Variants in DAAM1 observed in about 807,000 individuals in gnomAD.
DAAM1 encodes dishevelled associated activator of morphogenesis 1.
Under a neutral mutation model 130.0 loss-of-function variants are expected in DAAM1, and 52 were observed. The observed-to-expected ratio is 0.40, with a 90% CI of 0.32 to 0.50. The LOEUF is 0.50. Ranked by LOEUF, DAAM1 falls within the 20% of genes least tolerant of loss-of-function variation. The probability of loss-of-function intolerance (pLI) is 0.61; values close to 1 mark genes in which losing one functional copy is unlikely to be tolerated. For synonymous variants in DAAM1, 452 were observed against 444.5 expected, an observed-to-expected ratio of 1.02 and a Z score of -0.21; for missense variants, 1,134 against 1,303.8, an observed-to-expected ratio of 0.87 and a Z score of 2.01.
chr14:59,259,063 C>T (rs1435051501), intron 1 of DAAM1, among the ~76,000 whole-genome samples: 4 of 152,168 alleles, frequency 2.6e-5, no homozygotes, highest in Non-Finnish European at 5.9e-5. Context: ...ACGTTACCCC[C>T]GACTTCTCGC....
At position 59,263,674 on chromosome 14, in the gene DAAM1, T is replaced by C; in HGVS notation, c.183+14T>C. The C allele has an allele frequency of 6.2e-7, 1 of 1,613,214 alleles. No individual in the cohort carries two copies. Among genetic ancestry groups the C allele is most frequent in the Non-Finnish European group, 8.5e-7 (1 of 1,179,718 alleles). ...AGTGAACTGGTGGTGAGTCCCAGTT[T>C]TCTATCCTGGCATTGGTGGGGAGCC... On this transcript the variant is annotated intron_variant, in intron 2 of 24. Transcript: ENST00000360909.
At chr14:59,194,992 G>A (rs1887839222) in intron 1 of DAAM1, among the ~76,000 whole-genome samples, 1 of 152,218 alleles carries the variant, frequency 6.6e-6, no homozygotes, top group Non-Finnish European at 1.5e-5. Flanking sequence ...GAAATAATAG[G>A]AAAGCTATGC....
intron 1 of DAAM1, among the ~76,000 whole-genome samples, chr14:59,242,419 G>A (rs542184745): frequency 3.6e-4 from 55 of 152,262 alleles, no homozygotes; most frequent in Middle Eastern, 3.4e-3. Flanking sequence ...TGGGCACATA[G>A]CATTGGCTTT....
intron 4 of DAAM1, among the ~76,000 whole-genome samples, chr14:59,319,835 G>T (rs1884937762): frequency 6.6e-6 from 1 of 151,992 alleles, no homozygotes; most frequent in Admixed American, 6.6e-5. Flanking sequence ...ACCAAACCAG[G>T]CTCCATAGTT....
intron 1 of DAAM1, among the ~76,000 whole-genome samples, chr14:59,224,575 C>T (rs1484698763): frequency 1.3e-5 from 2 of 152,150 alleles, no homozygotes; most frequent in African/African-American, 4.8e-5. Context: ...TTGAGTCTTC[C>T]CTATATCTGA....
Position 59,265,190 on chromosome 14 carries a change from A to G in DAAM1, c.183+1530A>G, listed in dbSNP as rs372784598. 23 of 152,344 alleles carry G rather than the reference A, an allele frequency of 1.5e-4. 1 individual carries two copies. The highest frequency in any genetic ancestry group is 8.5e-4 in the Admixed American group (13 of 15,304). The allele number at this position is 152,344 out of a possible 1,614,324, so 9.4% of individuals were successfully genotyped here. Reference sequence around the variant, plus strand: ...AGACCAGAATTCATTTATAAAGCAGAAAGATAAGCCAATATGAGAGAGGTT... The same window carrying G: ...AGACCAGAATTCATTTATAAAGCAGGAAGATAAGCCAATATGAGAGAGGTT... On this transcript the variant is annotated intron_variant, in intron 2 of 24. Coordinates refer to ENST00000360909, the MANE Select transcript of DAAM1 (RefSeq NM_001270520.2).
At position 59,324,057 on chromosome 14, in the gene DAAM1, G is replaced by A. The variant is rs1885117977; in HGVS notation, c.775-71G>A. The A allele has an allele frequency of 7.6e-6, 8 of 1,047,332 alleles. No homozygotes were observed. The South Asian group carries it at 2.9e-4, about 38-fold the overall frequency. 64.9% of individuals were successfully genotyped at this position (1,047,332 alleles called of 1,614,324 possible). A position where few individuals can be genotyped will look rare whatever the true frequency, so the allele number is the denominator to read the frequency against. ...AAAAAAAAAAAAAGTTAACTTTTGA[G>A]TATAAAAAAATTCATAAAATGAGCA... On this transcript the variant is annotated intron_variant, in intron 6 of 24. Transcript: ENST00000360909.
At chr14:59,363,497 G>T (rs1566510405) in intron 22 of DAAM1, 154 bp from the exon 23 acceptor site, 3 of 1,065,608 alleles carry the variant, frequency 2.8e-6, no homozygotes, top group Non-Finnish European at 3.9e-6. Flanking sequence ...AGGAAGGGCA[G>T]GGGCACTAGA....
intron 1 of DAAM1, among the ~76,000 whole-genome samples, chr14:59,206,001 C>T (rs1003862822): frequency 6.6e-6 from 1 of 152,072 alleles, no homozygotes; most frequent in African/African-American, 2.4e-5. Context: ...GTAGCTGGGA[C>T]TACTATGCCT....
chr14:59,348,207 G>A (rs892473906), intron 17 of DAAM1, among the ~76,000 whole-genome samples: 2 of 152,152 alleles, frequency 1.3e-5, no homozygotes, highest in African/African-American at 4.8e-5. Flanking sequence ...AATGCCAGGG[G>A]TAGCAAGAAT....
chr14:59,314,688 C>T (rs138958220), intron 3 of DAAM1, among the ~76,000 whole-genome samples: 32 of 152,288 alleles, frequency 2.1e-4, no homozygotes, highest in African/African-American at 7.2e-4. Context: ...AACTCCTGAG[C>T]TGTCACAGCA....
At chr14:59,205,037 T>C (rs1888219487) in intron 1 of DAAM1, among the ~76,000 whole-genome samples, 1 of 152,222 alleles carries the variant, frequency 6.6e-6, no homozygotes, top group Admixed American at 6.5e-5. Context: ...TTAAAAACAT[T>C]TTATTATTGA....
chr14:59,277,597 A>G (rs1026629370), intron 2 of DAAM1, among the ~76,000 whole-genome samples: 1 of 151,986 alleles, frequency 6.6e-6, no homozygotes, highest in South Asian at 2.1e-4. Context: ...AGTTTTTGAG[A>G]AACTAAAACT....
chr14:59,273,679 C>T (rs1382443297), intron 2 of DAAM1, among the ~76,000 whole-genome samples: 1 of 152,168 alleles, frequency 6.6e-6, no homozygotes, highest in African/African-American at 2.4e-5. Flanking sequence ...TATGTGTCCT[C>T]ATATAAGCCA....
At chr14:59,317,940 G>A (rs1884854378) in intron 4 of DAAM1, among the ~76,000 whole-genome samples, 1 of 152,152 alleles carries the variant, frequency 6.6e-6, no homozygotes, top group African/African-American at 2.4e-5. Context: ...ATAGGCTTCT[G>A]TTTTCTTTAA....
intron 1 of DAAM1, among the ~76,000 whole-genome samples, chr14:59,236,993 T>G (rs1340255497): frequency 6.6e-6 from 1 of 152,170 alleles, no homozygotes; most frequent in Non-Finnish European, 1.5e-5. Context: ...ACAGACAATA[T>G]GTAAACAGGA....
intron 1 of DAAM1, among the ~76,000 whole-genome samples, chr14:59,231,447 C>T (rs1416817478): frequency 6.6e-6 from 1 of 152,188 alleles, no homozygotes; most frequent in Non-Finnish European, 1.5e-5. Context: ...AACTCAGCAT[C>T]AGATTTGTTG....
intron 16 of DAAM1, among the ~76,000 whole-genome samples, chr14:59,344,807 T>C (rs1886006245): frequency 6.6e-6 from 1 of 152,224 alleles, no homozygotes; most frequent in African/African-American, 2.4e-5. Flanking sequence ...TATGGGGAGC[T>C]AATGAAATGC....
intron 1 of DAAM1, among the ~76,000 whole-genome samples, chr14:59,191,642 TACATTCACTC>T (rs1320587558): frequency 6.6e-6 from 1 of 152,188 alleles, no homozygotes; most frequent in Non-Finnish European, 1.5e-5. Context: ...GCTTTTAGAA[TACATTCACTC>T]ACATCGACTG....
Sources: allele counts gnomAD v4.1 joint callset (sites outside exome capture counted in the v4.1 genomes callset), GRCh38; gene constraint gnomAD v4.1.1; transcripts MANE v1.5; gene names NCBI Gene and HGNC (gene_info 2026-07-23, HGNC 2026-07-21).